RALGAPB: variants seen among roughly 807,000 people sequenced by gnomAD.
RALGAPB encodes the protein ral GTPase-activating protein subunit beta.
RALGAPB carries 25 observed loss-of-function variants against 161.1 expected under a neutral mutation model. The observed-to-expected ratio is 0.16, with a 90% CI of 0.11 to 0.22. The LOEUF is 0.22. Among genes scored for constraint, RALGAPB ranks in the 10% least tolerant of loss-of-function variants. The probability of loss-of-function intolerance (pLI) is 1.00; values close to 1 mark genes in which losing one functional copy is unlikely to be tolerated. For synonymous variants in RALGAPB, 629 were observed against 626.1 expected (o/e 1.00, Z -0.07); for missense variants, 1,391 against 1,815.2 (o/e 0.77, Z 4.25).
chr20:38,525,091 C>A (rs2086417391), intron 11 of RALGAPB, 146 bp downstream of exon 11: 3 of 819,734 alleles, frequency 3.7e-6, no homozygotes, highest in Admixed American at 2.4e-5. Context: ...GTAGTGTGTC[C>A]AAACCCACCT....
At chr20:38,548,538 C>T (rs150144582) in intron 19 of RALGAPB, 151 bp from the exon 20 acceptor site, 151 of 628,168 alleles carry the variant, frequency 2.4e-4, no homozygotes, top group African/African-American at 1.7e-3. Flanking sequence ...GGTATGGGTA[C>T]GGCAGAAACC....
chr20:38,497,342 G>C lies in RALGAPB; in HGVS notation c.390-11G>C. Reference sequence around the variant, plus strand: ...CCAGGCTTGTCAGTGATATCTGTCTGTCTTCTTCAGACAGGAACAGGGTTC... The same window carrying C: ...CCAGGCTTGTCAGTGATATCTGTCTCTCTTCTTCAGACAGGAACAGGGTTC... On this transcript the variant is annotated splice_polypyrimidine_tract_variant and intron_variant, in intron 3 of 29. Transcript: ENST00000262879. The C allele has an allele frequency of 1.9e-6, 3 of 1,612,462 alleles. No individual in the cohort carries two copies. The highest frequency in any genetic ancestry group is 2.5e-6 in the Non-Finnish European group (3 of 1,179,222).
intron 19 of RALGAPB, 77 bp from the exon 20 acceptor site, chr20:38,548,612 C>T: frequency 8.9e-7 from 1 of 1,123,638 alleles, no homozygotes; most frequent in South Asian, 1.4e-5. Context: ...TTATGAGAAG[C>T]TCTGCAGTTG....
At chr20:38,497,058 T>C (rs1321370272) in intron 3 of RALGAPB, among the ~76,000 whole-genome samples, 1 of 152,218 alleles carries the variant, frequency 6.6e-6, no homozygotes, top group Non-Finnish European at 1.5e-5. Context: ...TATTATGTGT[T>C]AGGCACATGT....
intron 22 of RALGAPB, 49 bp downstream of exon 22, chr20:38,554,125 C>A: frequency 1.4e-6 from 2 of 1,445,744 alleles, no homozygotes; most frequent in Non-Finnish European, 1.9e-6. Context: ...AGTTAACATT[C>A]AGCTGACAAT....
chr20:38,481,430 G>A (rs1350055465), intron 1 of RALGAPB, among the ~76,000 whole-genome samples: 3 of 152,204 alleles, frequency 2.0e-5, no homozygotes, highest in Non-Finnish European at 2.9e-5. Context: ...AGAAGGCAAG[G>A]AAGAGCAAGA....
chr20:38,526,091 T>C (rs1424493141), intron 13 of RALGAPB, 49 bp downstream of exon 13: 1 of 1,596,416 alleles, frequency 6.3e-7, no homozygotes, highest in East Asian at 2.2e-5. Context: ...TACTGTTGAC[T>C]ACAGGCCTGC....
intron 24 of RALGAPB, 79 bp downstream of exon 24, chr20:38,562,776 T>A (rs2087832044): frequency 1.4e-6 from 2 of 1,437,512 alleles, no homozygotes; most frequent in Non-Finnish European, 1.9e-6. Flanking sequence ...TTACTGTGAT[T>A]TATAGTCTTG....
At chr20:38,567,050 A>G in intron 25 of RALGAPB, 46 bp from the exon 26 acceptor site, 1 of 1,577,398 alleles carries the variant, frequency 6.3e-7, no homozygotes, top group Non-Finnish European at 8.6e-7. Context: ...CCTTGCTCCA[A>G]ATAAGTGGTA....
At chr20:38,480,649 A>C (rs1332634992) in intron 1 of RALGAPB, among the ~76,000 whole-genome samples, 1 of 150,988 alleles carries the variant, frequency 6.6e-6, no homozygotes, top group Admixed American at 6.6e-5. Flanking sequence ...CGGCCTCCCA[A>C]AGTGCTGGGA....
intron 7 of RALGAPB, among the ~76,000 whole-genome samples, chr20:38,517,161 C>G (rs1404761477): frequency 3.9e-5 from 6 of 152,138 alleles, no homozygotes; most frequent in African/African-American, 1.4e-4. Flanking sequence ...ACATCCTGTC[C>G]AGGAATTAGG....
intron 6 of RALGAPB, among the ~76,000 whole-genome samples, chr20:38,510,909 CAAAAAAA>C (rs770635898): frequency 3.8e-5 from 2 of 52,886 alleles, no homozygotes; most frequent in Admixed American, 2.0e-4. Flanking sequence ...GACTCCGTCT[CAAAAAAA>C]AAAAAAAAAA....
intron 6 of RALGAPB, among the ~76,000 whole-genome samples, chr20:38,511,110 G>T (rs910343175): frequency 3.9e-5 from 6 of 151,952 alleles, no homozygotes. Flanking sequence ...TTGTGGGAGG[G>T]TTTTATGTGT....
chr20:38,512,166 G>T (rs2085980844), intron 6 of RALGAPB, among the ~76,000 whole-genome samples: 1 of 152,086 alleles, frequency 6.6e-6, no homozygotes, highest in South Asian at 2.1e-4. Flanking sequence ...CTTCTAGATG[G>T]TTATTACTGC....
intron 9 of RALGAPB, among the ~76,000 whole-genome samples, chr20:38,521,141 G>A (rs577505185): frequency 6.6e-6 from 1 of 152,214 alleles, no homozygotes; most frequent in Non-Finnish European, 1.5e-5. Context: ...GCATCATTCT[G>A]TAGGGGGAAG....
intron 15 of RALGAPB, among the ~76,000 whole-genome samples, chr20:38,534,138 CAA>C (rs1293283790): frequency 1.5e-4 from 7 of 46,942 alleles, no homozygotes; most frequent in Non-Finnish European, 2.3e-4. Flanking sequence ...GACTCCATCT[CAA>C]AAAAAAAAAA....
In RALGAPB at chr20:38,567,261, A is replaced by C. The variant is rs534068714; in HGVS notation, c.3954+29A>C. 1.7e-5 allele frequency: 28 copies of C among 1,601,126 alleles called. No homozygotes were observed. The African/African-American group carries it at 3.6e-4, about 21-fold the overall frequency. The stretch of plus-strand genomic sequence containing the variant: ...AGTTACTTTGTTGATAGGTCTCCAA[A>C]ATTTTGTAGTGAAATCAGGGTAATT... On this transcript the variant is annotated intron_variant, in intron 26 of 29. Transcript: ENST00000262879.
At chr20:38,499,777 T>C in intron 5 of RALGAPB, 144 bp downstream of exon 5, 3 of 673,578 alleles carry the variant, frequency 4.5e-6, no homozygotes, top group Non-Finnish European at 6.6e-6. Flanking sequence ...TAAATATAGA[T>C]ATAACAGTTT....
At chr20:38,491,317 A>C (rs999800078) in intron 2 of RALGAPB, among the ~76,000 whole-genome samples, 10 of 151,678 alleles carry the variant, frequency 6.6e-5, no homozygotes, top group African/African-American at 2.4e-4. Flanking sequence ...ACAGATGATC[A>C]GCATACACTG....
Sources: gnomAD v4.1 joint callset for allele counts (sites outside exome capture counted in the v4.1 genomes callset) on GRCh38, gnomAD v4.1.1 for gene constraint, MANE v1.5 for transcripts, NCBI Gene and HGNC (gene_info 2026-07-23, HGNC 2026-07-21) for gene names.